Variants in PPP2R5B observed in about 807,000 individuals in gnomAD.
PPP2R5B encodes protein phosphatase 2 regulatory subunit B'beta.
PPP2R5B carries 19 observed loss-of-function variants against 59.9 expected under a neutral mutation model. The observed-to-expected ratio is 0.32, with a 90% CI of 0.22 to 0.47. The LOEUF is 0.47. Among genes scored for constraint, PPP2R5B ranks in the 20% least tolerant of loss-of-function variants. The pLI, the probability that PPP2R5B is intolerant of heterozygous loss-of-function variation, is 1.00. For missense variants in PPP2R5B, 441 were observed against 640.2 expected (o/e 0.69, Z 3.36); for synonymous variants, 286 against 260.5 (o/e 1.10, Z -0.94).
chr11:64,927,842 A>T lies in PPP2R5B; in HGVS notation c.437A>T (p.Asn146Ile), dbSNP rs747739371. Residue 146 changes from asparagine to isoleucine, a missense_variant, in exon 4 of 14, where the codon AAC becomes ATC. Transcript: ENST00000164133. Reference protein sequence around the residue: ...NIFRTLPPSENPEFDPEEDEP... With the variant: ...NIFRTLPPSEIPEFDPEEDEP... ...TTCCGGACTCTGCCGCCCAGTGAGAACCCTGAATTTGACCCTGAAGAGGAT... is the reference window on the plus strand; with the variant it reads ...TTCCGGACTCTGCCGCCCAGTGAGATCCCTGAATTTGACCCTGAAGAGGAT... 5 of 1,612,906 alleles carry T rather than the reference A, an allele frequency of 3.1e-6. No individual in the cohort carries two copies. The East Asian group carries it at 1.1e-4, about 36-fold the overall frequency.
rs1415643571 is a variant in PPP2R5B at position 64,926,903 on chromosome 11, C to T, written c.391C>T (p.Arg131Cys). The T allele has an allele frequency of 1.5e-5, 25 of 1,613,462 alleles. No individual in the cohort carries two copies. The highest frequency in any genetic ancestry group is 1.3e-4 in the Admixed American group (8 of 59,972). Residue 131 changes from arginine (R) to cysteine (C), a missense_variant, in exon 3 of 14, where the codon CGC becomes TGC. Coordinates refer to ENST00000164133, the MANE Select transcript of PPP2R5B (RefSeq NM_006244.4). ...CGAGCCCGTCTACCCAGACATCATC[C>T]GCATGGTGAGCACCTGCCACCCAGG... ...LIEPVYPDII[R>C]MISVNIFRTL...
chr11:64,925,768 A>G lies in PPP2R5B; in HGVS notation c.34A>G (p.Thr12Ala). 2 of 1,234,768 alleles carry G rather than the reference A, an allele frequency of 1.6e-6. No homozygotes were observed. The highest frequency in any genetic ancestry group is 2.2e-6 in the Non-Finnish European group (2 of 928,080). 76.5% of individuals were successfully genotyped at this position (1,234,768 alleles called of 1,614,324 possible). Residue 12 changes from threonine to alanine, a missense_variant, in exon 2 of 14, where the codon ACT (threonine) becomes GCT (alanine). Thr to Ala is a moderately conservative substitution (Grantham distance 58, BLOSUM62 0). Transcript: ENST00000164133. The surrounding 1 kb of genome is among the most constrained non-coding windows in gnomAD (Gnocchi z 4.6). ...GAAGCTGCCCCCTGCAAGCACCCCCACTAGCCCCTCCTCCCCCGGGCTGTC... is the reference window on the plus strand; with the variant it reads ...GAAGCTGCCCCCTGCAAGCACCCCCGCTAGCCCCTCCTCCCCCGGGCTGTC... ...ETKLPPASTP[T>A]SPSSPGLSPV...
At chr11:64,928,652 C>G (rs1945195118) in intron 6 of PPP2R5B, among the ~76,000 whole-genome samples, 1 of 152,246 alleles carries the variant, frequency 6.6e-6, no homozygotes, top group South Asian at 2.1e-4. Context: ...TGGTGGGCAC[C>G]TGTAATTCCA....
At position 64,926,699 on chromosome 11, in the gene PPP2R5B, C is replaced by T; in HGVS notation, c.200-13C>T. On this transcript the variant is annotated splice_polypyrimidine_tract_variant and intron_variant, in intron 2 of 13. Coordinates refer to ENST00000164133, the MANE Select transcript of PPP2R5B (RefSeq NM_006244.4). ...AGCTGGGGCCCAGGCCCAGGATGCC[C>T]TCTCCTCCCCAGATGTGCCGGCTTC... 4 of 1,612,594 alleles carry T rather than the reference C, an allele frequency of 2.5e-6. No homozygotes were observed. The highest frequency in any genetic ancestry group is 3.4e-6 in the Non-Finnish European group (4 of 1,178,940).
At chr11:64,933,486 C>T (rs537105876) in intron 13 of PPP2R5B, among the ~76,000 whole-genome samples, 1 of 152,308 alleles carries the variant, frequency 6.6e-6, no homozygotes, top group African/African-American at 2.4e-5. Flanking sequence ...CCACTCAGGC[C>T]CCACCCGTCA....
chr11:64,930,374 C>T lies in PPP2R5B; in HGVS notation c.775C>T (p.Leu259=). 1 of 1,613,742 alleles carries T rather than the reference C, an allele frequency of 6.2e-7. No homozygotes were observed. Among genetic ancestry groups the T allele is most frequent in the Non-Finnish European group, 8.5e-7 (1 of 1,179,794 alleles). ...FNGVAELLEI[L]GSIINGFALP... ...TGGTGTGGCTGAGCTGCTGGAGATC[C>T]TAGGAAGGTGATTCTCCCTGGGCCT... Residue 259 remains leucine, a synonymous_variant, in exon 7 of 14, where the codon CTA becomes TTA. Transcript: ENST00000164133.
intron 11 of PPP2R5B, 145 bp downstream of exon 11, chr11:64,932,013 C>T: frequency 7.4e-7 from 1 of 1,348,538 alleles, no homozygotes; most frequent in South Asian, 1.5e-5. Flanking sequence ...GTCAGGAGAC[C>T]TAGGGTGAAG....
chr11:64,933,144 G>A lies in PPP2R5B; in HGVS notation c.1245-1G>A, dbSNP rs1945245909. 1 of 1,608,956 alleles carries A rather than the reference G, an allele frequency of 6.2e-7. No individual in the cohort carries two copies. The highest frequency in any genetic ancestry group is 1.3e-5 in the African/African-American group (1 of 74,790). On this transcript the variant is annotated splice_acceptor_variant, in intron 12 of 13. Transcript: ENST00000164133. LOFTEE classifies it high-confidence loss of function. ...CCTCATCCCTCCTTGACACTGCCAA[G>A]AACCATCGTATCACTGATCTACAAT... is the stretch of plus-strand genomic sequence containing the variant.
chr11:64,922,173 CT>C (rs1945114993), upstream of PPP2R5B, among the ~76,000 whole-genome samples: 1 of 149,928 alleles, frequency 6.7e-6, no homozygotes, highest in Admixed American at 6.6e-5. Context: ...GATCGCGCCA[CT>C]GCAAAAAAAA....
chr11:64,930,430 A>G, intron 7 of PPP2R5B, 49 bp downstream of exon 7: 11 of 1,613,488 alleles, frequency 6.8e-6, no homozygotes, highest in Non-Finnish European at 9.3e-6. Flanking sequence ...GGAAGGAGGG[A>G]CTGGGGCCAG....
intron 4 of PPP2R5B, 21 bp downstream of exon 4, chr11:64,927,924 C>T: frequency 6.3e-7 from 1 of 1,581,770 alleles, no homozygotes; most frequent in Middle Eastern, 1.7e-4. Context: ...TTGGGGAAGA[C>T]AGAGATCCAA....
At chr11:64,920,940 G>T (rs1945103880), upstream of PPP2R5B, among the ~76,000 whole-genome samples, 1 of 20,034 alleles carries the variant, frequency 5.0e-5, no homozygotes, top group Non-Finnish European at 8.6e-5. Flanking sequence ...CGGTCCAGCA[G>T]TTCTATATAT....
upstream of PPP2R5B, among the ~76,000 whole-genome samples, chr11:64,920,879 C>T (rs1035060841): frequency 6.6e-6 from 1 of 151,202 alleles, no homozygotes; most frequent in Non-Finnish European, 1.5e-5. Context: ...CTGCCCGCCT[C>T]GGCCTCCCAA....
exon 1 of PPP2R5B, chr11:64,917,631 A>T (rs1945048120): frequency 6.5e-6 from 1 of 153,822 alleles, no homozygotes; most frequent in African/African-American, 2.4e-5. Context: ...GCATCTGTGG[A>T]AACAATTAAG....
rs775092275 is a variant in PPP2R5B, at chr11:64,933,245, C to T, written c.1345C>T (p.Gln449Ter). ...LTASYKLEKQQEQQKAQERQE... is the reference protein window; with the variant it reads ...LTASYKLEKQ ...AGCCTCCTACAAGCTGGAAAAGCAG[C>T]AGTGAGTGTTGGGGGCTGGGCGTGG... Residue 449 changes from glutamine to a stop codon, truncating the protein, a stop_gained and splice_region_variant, in exon 13 of 14, where the codon CAG (glutamine) becomes TAG (stop). Coordinates refer to ENST00000164133, the MANE Select transcript of PPP2R5B (RefSeq NM_006244.4). LOFTEE classifies it high-confidence loss of function. The T allele has an allele frequency of 6.2e-7, 1 of 1,603,056 alleles. No homozygotes were observed. The highest frequency in any genetic ancestry group is 1.7e-5 in the Admixed American group (1 of 59,992).
In PPP2R5B at chr11:64,925,699, C is replaced by T. The variant is rs762779784; in HGVS notation, c.-36C>T. The stretch of plus-strand genomic sequence containing the variant: ...ACCTCCCAGGCCCAGAGAGAACCCC[C>T]GGGGCTCTGAAAGCTTGCCCTGCCG... On this transcript the variant is annotated 5_prime_UTR_variant, in exon 2 of 14. Coordinates refer to ENST00000164133, the MANE Select transcript of PPP2R5B (RefSeq NM_006244.4). This position sits in a 1 kb window ranked among gnomAD's most constrained non-coding sequence, Gnocchi z 4.6. 5.7e-6 allele frequency: 8 copies of T among 1,410,186 alleles called. No individual in the cohort carries two copies. The highest frequency in any genetic ancestry group is 2.4e-5 in the South Asian group (2 of 82,436). 87.4% of individuals were successfully genotyped at this position (1,410,186 alleles called of 1,614,324 possible). A position where few individuals can be genotyped will look rare whatever the true frequency, so the allele number is the denominator to read the frequency against.
Position 64,925,616 on chromosome 11 carries a change from C to CCA in PPP2R5B, c.-118_-117insAC. ...GGGGGGCCCAGGACTGTGGTTGTGC[C>CCA]CCCCCCCCAAAGGCCGGACAGGATG... On this transcript the variant is annotated 5_prime_UTR_variant, in exon 2 of 14. Transcript: ENST00000164133. The surrounding 1 kb of genome is among the most constrained non-coding windows in gnomAD (Gnocchi z 4.6). The CCA allele has an allele frequency of 1.9e-6, 1 of 530,114 alleles. No homozygotes were observed. The allele number at this position is 530,114 out of a possible 1,614,324, so 32.8% of individuals were successfully genotyped here.
At chr11:64,918,594 G>A (rs1352051580) in intron 1 of PPP2R5B, among the ~76,000 whole-genome samples, 1 of 152,094 alleles carries the variant, frequency 6.6e-6, no homozygotes, top group Non-Finnish European at 1.5e-5. Context: ...GCCTCCCAAA[G>A]TGTTGGGATT....
chr11:64,926,490 T>A (rs1308805538), intron 2 of PPP2R5B, among the ~76,000 whole-genome samples: 1 of 152,198 alleles, frequency 6.6e-6, no homozygotes, highest in African/African-American at 2.4e-5. Flanking sequence ...GCCATCATAC[T>A]CTCTGAGCCT....
Sources: gnomAD v4.1 joint callset for allele counts (sites outside exome capture counted in the v4.1 genomes callset) on GRCh38, gnomAD v4.1.1 for gene constraint, Gnocchi (gnomAD v3.1) non-coding constraint, MANE v1.5 for transcripts, NCBI Gene and HGNC (gene_info 2026-07-23, HGNC 2026-07-21) for gene names.